CDKAL1: variants seen among roughly 807,000 people sequenced by gnomAD.
CDKAL1 encodes the protein CDKAL1 threonylcarbamoyladenosine tRNA methylthiotransferase, also known as threonylcarbamoyladenosine tRNA methylthiotransferase.
In CDKAL1, 32 loss-of-function variants were observed where a neutral mutation model predicts 68.2. That is an observed-to-expected ratio of 0.47 (90% CI 0.35 to 0.63). The LOEUF (loss-of-function observed/expected upper bound fraction) is 0.63, where lower values mean the gene tolerates loss of function less well. Ranked by LOEUF, CDKAL1 falls within the 30% of genes least tolerant of loss-of-function variation. The probability of loss-of-function intolerance (pLI) is 0.00; values close to 1 mark genes in which losing one functional copy is unlikely to be tolerated. For synonymous variants in CDKAL1, 234 were observed against 244.3 expected (o/e 0.96, Z 0.39); for missense variants, 606 against 696.7 (o/e 0.87, Z 1.47).
At chr6:20,661,834 G>C (rs2127771527) in intron 5 of CDKAL1, among the ~76,000 whole-genome samples, 1 of 152,290 alleles carries the variant, frequency 6.6e-6, no homozygotes, top group African/African-American at 2.4e-5. Context: ...AAAGAGGGCA[G>C]TGTATTATGT....
At chr6:20,720,846 G>A (rs879528535) in intron 5 of CDKAL1, among the ~76,000 whole-genome samples, 1 of 152,156 alleles carries the variant, frequency 6.6e-6, no homozygotes, top group Admixed American at 6.5e-5. Context: ...CCACATGTAA[G>A]TGAGGATATG....
rs536758443 is a variant in CDKAL1, at chr6:20,555,692, A to C, written c.286+6987A>C. 6.2e-5 allele frequency among the ~76,000 whole-genome samples: 8 copies of C among 128,898 alleles called. No homozygotes were observed. The East Asian group carries it at 2.1e-3, about 33-fold the overall frequency. 84.6% of individuals were successfully genotyped at this position (128,898 alleles called of 152,430 possible). ...GGCCAGAGTGCAGTGGCGCTATCTT[A>C]GCTCGCTGCAAGCTCCGCCTTCCAG... On this transcript the variant is annotated intron_variant, in intron 4 of 15. Coordinates refer to ENST00000274695, the MANE Select transcript of CDKAL1 (RefSeq NM_017774.3).
intron 4 of CDKAL1, among the ~76,000 whole-genome samples, chr6:20,612,447 T>C (rs1766660531): frequency 6.6e-6 from 1 of 151,678 alleles, no homozygotes; most frequent in Non-Finnish European, 1.5e-5. Flanking sequence ...GTAGCCATTC[T>C]AACTGGGGTG....
intron 5 of CDKAL1, among the ~76,000 whole-genome samples, chr6:20,676,387 G>T (rs535807762): frequency 4.3e-4 from 66 of 152,170 alleles, no homozygotes; most frequent in South Asian, 2.5e-3. Context: ...TAAAAAAGTC[G>T]GCCGGCACAA....
intron 13 of CDKAL1, among the ~76,000 whole-genome samples, chr6:21,116,758 G>A (rs1409666036): frequency 6.6e-6 from 1 of 152,164 alleles, no homozygotes; most frequent in Non-Finnish European, 1.5e-5. Context: ...CTAACATTCA[G>A]TATAAAAGTA....
intron 8 of CDKAL1, among the ~76,000 whole-genome samples, chr6:20,831,048 C>T (rs1163736705): frequency 6.6e-6 from 1 of 151,750 alleles, no homozygotes; most frequent in African/African-American, 2.4e-5. Context: ...TTACGTCCAC[C>T]CTATAATATT....
chr6:21,219,811 T>C (rs1356023403), intron 15 of CDKAL1, among the ~76,000 whole-genome samples: 1 of 152,208 alleles, frequency 6.6e-6, no homozygotes, highest in Non-Finnish European at 1.5e-5. Context: ...CATGGTTACC[T>C]AGTTGGAATG....
intron 9 of CDKAL1, among the ~76,000 whole-genome samples, chr6:20,953,141 C>G (rs915001824): frequency 6.6e-6 from 1 of 152,154 alleles, no homozygotes; most frequent in Non-Finnish European, 1.5e-5. Context: ...AACATCAAGA[C>G]CATTGTTCCT....
chr6:21,024,618 T>G (rs2150867171), intron 11 of CDKAL1, among the ~76,000 whole-genome samples: 1 of 152,334 alleles, frequency 6.6e-6, no homozygotes, highest in African/African-American at 2.4e-5. Context: ...AGACTTCATA[T>G]TTCATCACAG....
chr6:21,124,500 G>A (rs918229754), intron 13 of CDKAL1, among the ~76,000 whole-genome samples: 3 of 151,770 alleles, frequency 2.0e-5, no homozygotes, highest in South Asian at 2.1e-4. Flanking sequence ...TTATTACCTC[G>A]ATGAATATTA....
At chr6:20,811,139 G>T (rs536209374) in intron 8 of CDKAL1, among the ~76,000 whole-genome samples, 1 of 152,286 alleles carries the variant, frequency 6.6e-6, no homozygotes, top group African/African-American at 2.4e-5. Flanking sequence ...GACTGCCATG[G>T]ACAAGAGCCA....
chr6:20,838,625 G>A (rs976809998), intron 8 of CDKAL1, among the ~76,000 whole-genome samples: 19 of 152,090 alleles, frequency 1.2e-4, no homozygotes, highest in African/African-American at 2.7e-4. Flanking sequence ...AAGGGTGTGG[G>A]ACTTTGTCTC....
intron 9 of CDKAL1, among the ~76,000 whole-genome samples, chr6:20,931,008 G>C (rs1282317302): frequency 6.6e-6 from 1 of 152,136 alleles, no homozygotes; most frequent in Non-Finnish European, 1.5e-5. Flanking sequence ...CTCCCAAAAT[G>C]CTGGGATTAC....
intron 7 of CDKAL1, among the ~76,000 whole-genome samples, chr6:20,759,785 G>T (rs940089927): frequency 1.3e-5 from 2 of 152,128 alleles, no homozygotes; most frequent in Admixed American, 1.3e-4. Flanking sequence ...CAACTCTGTG[G>T]TATAATTTTA....
At chr6:20,897,218 C>T (rs537926994) in intron 9 of CDKAL1, among the ~76,000 whole-genome samples, 1 of 152,290 alleles carries the variant, frequency 6.6e-6, no homozygotes. Flanking sequence ...GACCTAATCA[C>T]CACCCAAAAG....
intron 11 of CDKAL1, among the ~76,000 whole-genome samples, chr6:21,031,345 A>G (rs1769277655): frequency 6.6e-6 from 1 of 151,148 alleles, no homozygotes; most frequent in Non-Finnish European, 1.5e-5. Context: ...CAACGGGGAA[A>G]AACACTCTGC....
At chr6:20,835,156 A>G (rs1777879058) in intron 8 of CDKAL1, among the ~76,000 whole-genome samples, 1 of 152,216 alleles carries the variant, frequency 6.6e-6, no homozygotes, top group South Asian at 2.1e-4. Context: ...ACAGAGAGAC[A>G]CAAGGAAACC....
chr6:21,202,755 A>C (rs1778742124), intron 15 of CDKAL1, among the ~76,000 whole-genome samples: 1 of 152,154 alleles, frequency 6.6e-6, no homozygotes, highest in Admixed American at 6.5e-5. Context: ...GTGTCCCTCT[A>C]TTCGTTCCTT....
At chr6:21,196,393 T>A (rs1401174116) in intron 13 of CDKAL1, among the ~76,000 whole-genome samples, 2 of 152,194 alleles carry the variant, frequency 1.3e-5, no homozygotes, top group African/African-American at 2.4e-5. Flanking sequence ...AAGCTCAACA[T>A]GGAAGTTGGG....
Sources: allele counts gnomAD v4.1 joint callset (sites outside exome capture counted in the v4.1 genomes callset), GRCh38; gene constraint gnomAD v4.1.1; transcripts MANE v1.5; gene names NCBI Gene and HGNC (gene_info 2026-07-23, HGNC 2026-07-21).